The following NET1 variants were observed in gnomAD, a reference collection of about 807,000 sequenced individuals.
The protein encoded by NET1 is neuroepithelial cell-transforming gene 1 protein.
NET1 carries 42 observed loss-of-function variants against 61.1 expected under a neutral mutation model. That is an observed-to-expected ratio of 0.69 (90% confidence interval 0.54 to 0.89). The LOEUF (loss-of-function observed/expected upper bound fraction) is 0.89, where lower values mean the gene tolerates loss of function less well. Ranked by LOEUF, NET1 falls within the 40% of genes least tolerant of loss-of-function variation. NET1 has a pLI of 0.00. For missense variants in NET1, 654 were observed against 747.3 expected, an observed-to-expected ratio of 0.88 and a Z score of 1.46; for synonymous variants, 254 against 281.8, an observed-to-expected ratio of 0.90 and a Z score of 0.99.
At chr10:5,428,563 A>T (rs1360672144) in intron 2 of NET1, among the ~76,000 whole-genome samples, 1 of 151,868 alleles carries the variant, frequency 6.6e-6, no homozygotes, top group African/African-American at 2.4e-5. Flanking sequence ...ACAAGTACAG[A>T]CAGCCCTTGA....
At position 5,449,191 on chromosome 10, in the gene NET1, A is replaced by T. The variant is rs1832666089; in HGVS notation, c.256-2639A>T. On this transcript the variant is annotated intron_variant, in intron 3 of 11. Transcript: ENST00000355029. This position sits in a 1 kb window ranked among gnomAD's most constrained non-coding sequence, Gnocchi z 4.4. ...TTATACCTTTACATTTCATAATCAC[A>T]CTTTTCGTTATTTTAGTCATTAAAA... Among the ~76,000 whole-genome samples, 1 of 152,172 alleles carries T rather than the reference A, an allele frequency of 6.6e-6. No individual in the cohort carries two copies. Among genetic ancestry groups the T allele is most frequent in the African/African-American group, 2.4e-5 (1 of 41,444 alleles).
intron 3 of NET1, among the ~76,000 whole-genome samples, chr10:5,442,259 A>C (rs1832533294): frequency 6.6e-6 from 1 of 152,170 alleles, no homozygotes; most frequent in Admixed American, 6.5e-5. Context: ...TGTAGAGGGC[A>C]GCAGAGAGCT....
chr10:5,413,901 A>T (rs902215910), intron 1 of NET1, among the ~76,000 whole-genome samples: 13 of 152,214 alleles, frequency 8.5e-5, no homozygotes, highest in African/African-American at 3.1e-4. Context: ...AAGTAGGTTA[A>T]TAATTATTAT....
chr10:5,436,246 ATATTTT>A lies in NET1; in HGVS notation c.255+7019_255+7024del, dbSNP rs1564462816. Among the ~76,000 whole-genome samples, 41 of 34,132 alleles carry A rather than the reference ATATTTT, an allele frequency of 1.2e-3. 1 individual carries two copies. Among genetic ancestry groups the A allele is most frequent in the Middle Eastern group, 0.023 (1 of 44 alleles). The allele number at this position is 34,132 out of a possible 152,430, so 22.4% of individuals were successfully genotyped here. On this transcript the variant is annotated intron_variant, in intron 3 of 11. Coordinates refer to ENST00000355029, the MANE Select transcript of NET1 (RefSeq NM_001047160.3). ...TGTGCATATATATATATATATATAT[ATATTTT>A]TTTTTTTTTTTTTTTTTTTTTTTAA...
chr10:5,420,984 C>G lies in NET1; in HGVS notation c.129-5671C>G, dbSNP rs1290926645. Among the ~76,000 whole-genome samples, 1 of 152,254 alleles carries G rather than the reference C, an allele frequency of 6.6e-6. No individual in the cohort carries two copies. The highest frequency in any genetic ancestry group is 1.5e-5 in the Non-Finnish European group (1 of 68,008). ...TTTTCTGGCCTAGTTTTTTTGATAC[C>G]AAGTCTGTTCTGGCCTCAGCTTTGA... On this transcript the variant is annotated intron_variant, in intron 1 of 11. Transcript: ENST00000355029. The surrounding 1 kb of genome is among the most constrained non-coding windows in gnomAD (Gnocchi z 5.3).
At chr10:5,414,578 A>C (rs1341907913) in intron 1 of NET1, among the ~76,000 whole-genome samples, 2 of 152,240 alleles carry the variant, frequency 1.3e-5, no homozygotes, top group Non-Finnish European at 2.9e-5. Flanking sequence ...CGAATCTGAT[A>C]GCTGGCAATG....
Position 5,420,316 on chromosome 10 carries a change from A to G in NET1, c.129-6339A>G, listed in dbSNP as rs1337298737. Among the ~76,000 whole-genome samples the G allele has an allele frequency of 6.6e-6, 1 of 152,240 alleles. No individual in the cohort carries two copies. Among genetic ancestry groups the G allele is most frequent in the African/African-American group, 2.4e-5 (1 of 41,474 alleles). ...GTGTAGTAGAAAGGTTAGAAAAAACAGGAGGAGGAAGCTAAATACATTATG... is the reference window on the plus strand; with the variant it reads ...GTGTAGTAGAAAGGTTAGAAAAAACGGGAGGAGGAAGCTAAATACATTATG... On this transcript the variant is annotated intron_variant, in intron 1 of 11. Coordinates refer to ENST00000355029, the MANE Select transcript of NET1 (RefSeq NM_001047160.3). This position sits in a 1 kb window ranked among gnomAD's most constrained non-coding sequence, Gnocchi z 5.3.
rs1832025222 is a variant in NET1 at position 5,412,965 on chromosome 10, G to A, written c.128+145G>A. 2.3e-6 allele frequency: 1 copy of A among 437,120 alleles called. No homozygotes were observed. The highest frequency in any genetic ancestry group is 2.3e-5 in the African/African-American group (1 of 43,234). 27.1% of individuals were successfully genotyped at this position (437,120 alleles called of 1,614,324 possible). On this transcript the variant is annotated intron_variant, in intron 1 of 11. Coordinates refer to ENST00000355029, the MANE Select transcript of NET1 (RefSeq NM_001047160.3). This position sits in a 1 kb window ranked among gnomAD's most constrained non-coding sequence, Gnocchi z 6.5. Reference sequence around the variant, plus strand: ...GATGTGGGGGGCGGCGAGTGGGGGTGTTGGTGAGGGCCAGGGGGAGGCGAG... The same window carrying A: ...GATGTGGGGGGCGGCGAGTGGGGGTATTGGTGAGGGCCAGGGGGAGGCGAG...
rs1480119984 is a variant in NET1, at chr10:5,416,343, T to G, written c.128+3523T>G. On this transcript the variant is annotated intron_variant, in intron 1 of 11. Transcript: ENST00000355029. The surrounding 1 kb of genome is among the most constrained non-coding windows in gnomAD (Gnocchi z 6.1). ...TTGGGATATGTGAGTCCTCCTACTT[T>G]GTTCTTTTTTTCCCAAGATTGTTGT... Among the ~76,000 whole-genome samples the G allele has an allele frequency of 6.6e-6, 1 of 152,218 alleles. No individual in the cohort carries two copies. Among genetic ancestry groups the G allele is most frequent in the Non-Finnish European group, 1.5e-5 (1 of 68,032 alleles).
In NET1 at chr10:5,441,210, C is replaced by G. The variant is rs1286324001; in HGVS notation, c.256-10620C>G. The stretch of plus-strand genomic sequence containing the variant: ...GCAGCTTCTGTGCTCCGTTAGTCAA[C>G]AAGTGGCCTTTCGGGTGTCCATCCC... On this transcript the variant is annotated intron_variant, in intron 3 of 11. Coordinates refer to ENST00000355029, the MANE Select transcript of NET1 (RefSeq NM_001047160.3). This position sits in a 1 kb window ranked among gnomAD's most constrained non-coding sequence, Gnocchi z 4.6. 1.3e-5 allele frequency among the ~76,000 whole-genome samples: 2 copies of G among 152,256 alleles called. No individual in the cohort carries two copies. The highest frequency in any genetic ancestry group is 2.4e-5 in the African/African-American group (1 of 41,468).
chr10:5,456,589 T>C lies in NET1; in HGVS notation c.1386T>C (p.Ala462=), dbSNP rs1832803109. The C allele has an allele frequency of 6.6e-7, 1 of 1,520,664 alleles. No homozygotes were observed. Among genetic ancestry groups the C allele is most frequent in the African/African-American group, 1.4e-5 (1 of 71,336 alleles). The allele number at this position is 1,520,664 out of a possible 1,614,324, so 94.2% of individuals were successfully genotyped here. A position where few individuals can be genotyped will look rare whatever the true frequency, so the allele number is the denominator to read the frequency against. The part of the protein sequence containing the change: ...FRGAFSNSEK[A]KNIFRIRFHD... The stretch of plus-strand genomic sequence containing the variant: ...TTTTTTTCCAATTTTTTTTTTCAGC[T>C]AAAAATATCTTTAGAATTCGCTTCC... Residue 462 remains alanine, a splice_region_variant and synonymous_variant, in exon 12 of 12, where the codon GCT becomes GCC. Transcript: ENST00000355029. This position sits in a 1 kb window ranked among gnomAD's most constrained non-coding sequence, Gnocchi z 7.0.
At position 5,446,697 on chromosome 10, in the gene NET1, G is replaced by A. The variant is rs1832617489; in HGVS notation, c.256-5133G>A. 4 of 1,453,900 alleles carry A rather than the reference G, an allele frequency of 2.8e-6. No homozygotes were observed. In the East Asian group the frequency reaches 7.6e-5, roughly 27 times the overall value. The allele number at this position is 1,453,900 out of a possible 1,614,324, so 90.1% of individuals were successfully genotyped here. On this transcript the variant is annotated intron_variant, in intron 3 of 11. Coordinates refer to ENST00000355029, the MANE Select transcript of NET1 (RefSeq NM_001047160.3). The surrounding 1 kb of genome is among the most constrained non-coding windows in gnomAD (Gnocchi z 5.0). Reference sequence around the variant, plus strand: ...TGGGAAGAAAAGCCCGTGTGCCTCTGCATAGCGTCGCTACAGCGCTGACTC... The same window carrying A: ...TGGGAAGAAAAGCCCGTGTGCCTCTACATAGCGTCGCTACAGCGCTGACTC...
chr10:5,447,322 T>G lies in NET1; in HGVS notation c.256-4508T>G, dbSNP rs1036983442. 2.0e-5 allele frequency among the ~76,000 whole-genome samples: 3 copies of G among 152,210 alleles called. No individual in the cohort carries two copies. The highest frequency in any genetic ancestry group is 4.4e-5 in the Non-Finnish European group (3 of 68,032). On this transcript the variant is annotated intron_variant, in intron 3 of 11. Transcript: ENST00000355029. The surrounding 1 kb of genome is among the most constrained non-coding windows in gnomAD (Gnocchi z 4.1). The stretch of plus-strand genomic sequence containing the variant: ...CTGATGAGTTCATTGTATGCCACTT[T>G]TTTCTTCAGAAGGAAAGAGGCATGT...
Position 5,455,865 on chromosome 10 carries a change from C to G in NET1, c.1198-222C>G, listed in dbSNP as rs1163415635. Among the ~76,000 whole-genome samples the G allele has an allele frequency of 6.6e-6, 1 of 152,112 alleles. No homozygotes were observed. The highest frequency in any genetic ancestry group is 2.4e-5 in the African/African-American group (1 of 41,398). On this transcript the variant is annotated intron_variant, in intron 10 of 11. Transcript: ENST00000355029. The surrounding 1 kb of genome is among the most constrained non-coding windows in gnomAD (Gnocchi z 6.5). ...TGCTGCTTAATCTGATATTACATAC[C>G]AATAAGAAACATTTTATTTATTCTG...
chr10:5,446,708 C>T lies in NET1; in HGVS notation c.256-5122C>T, dbSNP rs954677258. On this transcript the variant is annotated intron_variant, in intron 3 of 11. Coordinates refer to ENST00000355029, the MANE Select transcript of NET1 (RefSeq NM_001047160.3). This position sits in a 1 kb window ranked among gnomAD's most constrained non-coding sequence, Gnocchi z 5.0. ...GCCCGTGTGCCTCTGCATAGCGTCG[C>T]TACAGCGCTGACTCGGTGTGGATTG... 1.7e-5 allele frequency: 25 copies of T among 1,505,706 alleles called. No individual in the cohort carries two copies. In the East Asian group the frequency reaches 6.0e-4, roughly 36 times the overall value. The allele number at this position is 1,505,706 out of a possible 1,614,324, so 93.3% of individuals were successfully genotyped here. A position where few individuals can be genotyped will look rare whatever the true frequency, so the allele number is the denominator to read the frequency against.
Position 5,416,916 on chromosome 10 carries a change from A to G in NET1, c.128+4096A>G, listed in dbSNP as rs1179108556. Reference sequence around the variant, plus strand: ...GGCTTGTATTCATCAGCTCAGTTAGACCCCTGCCTTATTTCAAGGACAGGG... The same window carrying G: ...GGCTTGTATTCATCAGCTCAGTTAGGCCCCTGCCTTATTTCAAGGACAGGG... On this transcript the variant is annotated intron_variant, in intron 1 of 11. Transcript: ENST00000355029. The surrounding 1 kb of genome is among the most constrained non-coding windows in gnomAD (Gnocchi z 6.1). Among the ~76,000 whole-genome samples, 1 of 151,932 alleles carries G rather than the reference A, an allele frequency of 6.6e-6. No individual in the cohort carries two copies. The highest frequency in any genetic ancestry group is 1.5e-5 in the Non-Finnish European group (1 of 67,990).
chr10:5,452,464 C>A lies in NET1; in HGVS notation c.470C>A (p.Ser157Ter). Reference protein sequence around the residue: ...PAKRRSSALWSEMLDITMKES... With the variant: ...PAKRRSSALW ...AAGAGAAGGAGCAGTGCACTGTGGTCAGAGATGCTGGACATCACCATGAAG... is the reference window on the plus strand; with the variant it reads ...AAGAGAAGGAGCAGTGCACTGTGGTAAGAGATGCTGGACATCACCATGAAG... Residue 157 changes from serine to a stop codon, truncating the protein, a stop_gained, in exon 5 of 12, where the codon TCA becomes TAA. Transcript: ENST00000355029. LOFTEE classifies it high-confidence loss of function. This position sits in a 1 kb window ranked among gnomAD's most constrained non-coding sequence, Gnocchi z 4.0. 1 of 1,614,094 alleles carries A rather than the reference C, an allele frequency of 6.2e-7. No individual in the cohort carries two copies. The highest frequency in any genetic ancestry group is 1.1e-5 in the South Asian group (1 of 91,054).
At position 5,446,605 on chromosome 10, in the gene NET1, T is replaced by A; in HGVS notation, c.256-5225T>A. ...GGGGTCGGTGCTTGCTGCCTGCGGC[T>A]CTCAGAAGCCTCTGCTCCACCGCGG... is the stretch of plus-strand genomic sequence containing the variant. On this transcript the variant is annotated intron_variant, in intron 3 of 11. Transcript: ENST00000355029. This position sits in a 1 kb window ranked among gnomAD's most constrained non-coding sequence, Gnocchi z 5.0. The A allele has an allele frequency of 8.2e-7, 1 of 1,226,208 alleles. No homozygotes were observed. Among genetic ancestry groups the A allele is most frequent in the Non-Finnish European group, 1.0e-6 (1 of 980,670 alleles). 76.0% of individuals were successfully genotyped at this position (1,226,208 alleles called of 1,614,324 possible). A position where few individuals can be genotyped will look rare whatever the true frequency, so the allele number is the denominator to read the frequency against.
rs1465727052 is a variant in NET1 at position 5,416,500 on chromosome 10, C to T, written c.128+3680C>T. Reference sequence around the variant, plus strand: ...AGATCATTTTCAGGAGTATTGCCCTCTACAGAGAGTTAAGTAGTCTGATCC... The same window carrying T: ...AGATCATTTTCAGGAGTATTGCCCTTTACAGAGAGTTAAGTAGTCTGATCC... On this transcript the variant is annotated intron_variant, in intron 1 of 11. Coordinates refer to ENST00000355029, the MANE Select transcript of NET1 (RefSeq NM_001047160.3). This position sits in a 1 kb window ranked among gnomAD's most constrained non-coding sequence, Gnocchi z 6.1. 6.6e-6 allele frequency among the ~76,000 whole-genome samples: 1 copy of T among 152,154 alleles called. No homozygotes were observed. Among genetic ancestry groups the T allele is most frequent in the Middle Eastern group, 3.2e-3 (1 of 316 alleles).
Sources: allele counts gnomAD v4.1 joint callset (sites outside exome capture counted in the v4.1 genomes callset), GRCh38; gene constraint gnomAD v4.1.1; non-coding constraint Gnocchi (gnomAD v3.1); transcripts MANE v1.5; gene names NCBI Gene and HGNC (gene_info 2026-07-23, HGNC 2026-07-21).